ARHGAP27: variants seen among roughly 807,000 people sequenced by gnomAD.
ARHGAP27 encodes rho GTPase-activating protein 27.
ARHGAP27 carries 53 observed loss-of-function variants against 102.0 expected under a neutral mutation model. The observed-to-expected ratio is 0.52, with a 90% CI of 0.42 to 0.65. The LOEUF (loss-of-function observed/expected upper bound fraction) is 0.65, where lower values mean the gene tolerates loss of function less well. ARHGAP27 is among the 30% of genes least tolerant of loss of function. The pLI, the probability that ARHGAP27 is intolerant of heterozygous loss-of-function variation, is 0.00. For synonymous variants in ARHGAP27, 525 were observed against 542.8 expected, an observed-to-expected ratio of 0.97 and a Z score of 0.46; for missense variants, 1,117 against 1,256.2, an observed-to-expected ratio of 0.89 and a Z score of 1.68.
Position 45,430,108 on chromosome 17 carries a change from A to G in ARHGAP27, c.172T>C (p.Tyr58His), listed in dbSNP as rs1442090144. Reference protein sequence around the residue: ...VRREPGGRPFYLPAQYVRELP... With the variant: ...VRREPGGRPFHLPAQYVRELP... ...TCGCGCACGTACTGCGCAGGCAGGT[A>G]GAAGGGGCGGCCGCCGGGCTCACGC... The change falls in exon 4 of 20, where the codon TAC (tyrosine) becomes CAC (histidine). Residue 58 changes from tyrosine to histidine, a missense_variant. By Grantham distance (83) the Tyr-to-His change is moderately conservative. Around this residue, in one of 3 missense-constraint regions of ARHGAP27, gnomAD observed 610 missense variants for 716.4 expected, o/e 0.85. Transcript: ENST00000685559. This position sits in a 1 kb window ranked among gnomAD's most constrained non-coding sequence, Gnocchi z 4.4. 2 of 1,515,772 alleles carry G rather than the reference A, an allele frequency of 1.3e-6. No individual in the cohort carries two copies. The highest frequency in any genetic ancestry group is 4.3e-5 in the Admixed American group (2 of 46,954). 93.9% of individuals were successfully genotyped at this position (1,515,772 alleles called of 1,614,324 possible).
chr17:45,396,567 G>A lies in ARHGAP27; in HGVS notation c.2093C>T (p.Ala698Val), dbSNP rs1229584608. 2.5e-6 allele frequency: 4 copies of A among 1,604,058 alleles called. No homozygotes were observed. Among genetic ancestry groups the A allele is most frequent in the South Asian group, 1.1e-5 (1 of 90,598 alleles). The change falls in exon 16 of 20, where the codon GCG (alanine) becomes GTG (valine). Residue 698 changes from alanine to valine, a missense_variant. Coordinates refer to ENST00000685559, the MANE Select transcript of ARHGAP27 (RefSeq NM_001282290.2). Reference protein sequence around the residue: ...GYIKDQVFGCALAALCERERS... With the variant: ...GYIKDQVFGCVLAALCERERS... ...CTCGCGCTCACACAGCGCGGCCAGC[G>A]CGCAGCCGAACACCTGGTCTAGGGC...
intron 11 of ARHGAP27, among the ~76,000 whole-genome samples, 164 bp from the exon 12 acceptor site, chr17:45,402,982 C>A (rs1195712348): frequency 1.1e-4 from 16 of 152,238 alleles, no homozygotes; most frequent in Admixed American, 8.5e-4. Context: ...TGCTTCTTAA[C>A]CATGGAGCCT....
intron 3 of ARHGAP27, among the ~76,000 whole-genome samples, chr17:45,431,253 G>A (rs1176430558): frequency 2.6e-5 from 4 of 152,226 alleles, no homozygotes; most frequent in Non-Finnish European, 4.4e-5. Context: ...TGTCAGGGAT[G>A]GGGGAGAGCC....
intron 4 of ARHGAP27, among the ~76,000 whole-genome samples, chr17:45,421,060 A>G (rs2048990115): frequency 6.9e-6 from 1 of 145,984 alleles, no homozygotes; most frequent in Non-Finnish European, 1.5e-5. Flanking sequence ...TGGAAGGTCA[A>G]GAAGAAACAT....
Position 45,402,824 on chromosome 17 carries a change from G to C in ARHGAP27, c.1639-6C>G. ...GAAAACTTGGAAGGCTGCCTCTGTG[G>C]GAGAGGGAGGAAGGTCACAGGGAGC... On this transcript the variant is annotated splice_region_variant and splice_polypyrimidine_tract_variant and intron_variant, in intron 11 of 19. Coordinates refer to ENST00000685559, the MANE Select transcript of ARHGAP27 (RefSeq NM_001282290.2). The C allele has an allele frequency of 6.2e-7, 1 of 1,608,378 alleles. No homozygotes were observed. Among genetic ancestry groups the C allele is most frequent in the Non-Finnish European group, 8.5e-7 (1 of 1,175,092 alleles).
chr17:45,422,816 A>G (rs145692483), intron 4 of ARHGAP27, among the ~76,000 whole-genome samples: 21 of 152,340 alleles, frequency 1.4e-4, no homozygotes, highest in East Asian at 5.8e-4. Flanking sequence ...AAAGGAAATG[A>G]AAGTTTGAAT....
At chr17:45,409,915 C>A in intron 4 of ARHGAP27, 2 of 355,968 alleles carry the variant, frequency 5.6e-6, no homozygotes, top group South Asian at 5.0e-5. Context: ...AGTGGCCTTC[C>A]GACCTCAGGC....
At chr17:45,431,179 G>T (rs1319279683) in intron 3 of ARHGAP27, among the ~76,000 whole-genome samples, 1 of 152,142 alleles carries the variant, frequency 6.6e-6, no homozygotes, top group Non-Finnish European at 1.5e-5. Flanking sequence ...GAGTCCCAGA[G>T]CAGGGCCACC....
rs1283068746 is a variant in ARHGAP27 at position 45,430,573 on chromosome 17, T to C, written c.-18-276A>G. Reference sequence around the variant, plus strand: ...AGTCCTGCGGTGGGGAGATTGTGGGTAGTCTTGGTCCAAATCGACTGCGAG... The same window carrying C: ...AGTCCTGCGGTGGGGAGATTGTGGGCAGTCTTGGTCCAAATCGACTGCGAG... On this transcript the variant is annotated intron_variant, in intron 3 of 19. Coordinates refer to ENST00000685559, the MANE Select transcript of ARHGAP27 (RefSeq NM_001282290.2). The surrounding 1 kb of genome is among the most constrained non-coding windows in gnomAD (Gnocchi z 4.4). 6.6e-6 allele frequency among the ~76,000 whole-genome samples: 1 copy of C among 152,160 alleles called. No individual in the cohort carries two copies.
At chr17:45,408,688 C>G (rs1346003888) in intron 4 of ARHGAP27, 1 of 152,366 alleles carries the variant, frequency 6.6e-6, no homozygotes. Context: ...CAGCCATTCC[C>G]TCAGCCTGGA....
intron 12 of ARHGAP27, among the ~76,000 whole-genome samples, chr17:45,401,040 TTCTTC>T (rs2046381910): frequency 6.6e-6 from 1 of 151,616 alleles, no homozygotes; most frequent in Admixed American, 6.6e-5. Flanking sequence ...GCCTTCAGAA[TTCTTC>T]TCAAGAAGGC....
chr17:45,410,479 A>C, intron 4 of ARHGAP27: 4 of 712,522 alleles, frequency 5.6e-6, no homozygotes, highest in Non-Finnish European at 7.9e-6. Flanking sequence ...GGTGGGGTGG[A>C]GGGGCCTCAG....
intron 13 of ARHGAP27, 134 bp from the exon 14 acceptor site, chr17:45,397,158 TAA>T: frequency 6.9e-7 from 1 of 1,458,444 alleles, no homozygotes; most frequent in Non-Finnish European, 9.0e-7. Flanking sequence ...TCTCTTCCCT[TAA>T]CCAGGTTAAC....
intron 4 of ARHGAP27, among the ~76,000 whole-genome samples, chr17:45,417,200 A>C (rs1376789846): frequency 6.6e-6 from 1 of 151,604 alleles, no homozygotes; most frequent in Non-Finnish European, 1.5e-5. Flanking sequence ...GTGGTGGCTT[A>C]TGCCTGTAAT....
rs1040924401 is a variant in ARHGAP27 at position 45,394,616 on chromosome 17, T to A, written c.*840A>T. The stretch of plus-strand genomic sequence containing the variant: ...TGGGTGGTAGCTGAAAGAACTGATT[T>A]TCCCCCTACCCAGGCTGTACTCTGG... On this transcript the variant is annotated 3_prime_UTR_variant, in exon 20 of 20. Transcript: ENST00000685559. The A allele has an allele frequency of 6.6e-6, 1 of 152,330 alleles. No individual in the cohort carries two copies. Among genetic ancestry groups the A allele is most frequent in the African/African-American group, 2.4e-5 (1 of 41,476 alleles). The allele number at this position is 152,330 out of a possible 1,614,324, so 9.4% of individuals were successfully genotyped here. A position where few individuals can be genotyped will look rare whatever the true frequency, so the allele number is the denominator to read the frequency against.
At chr17:45,397,830 T>C (rs1044587383) in intron 13 of ARHGAP27, 119 bp downstream of exon 13, 1 of 807,292 alleles carries the variant, frequency 1.2e-6, no homozygotes, top group African/African-American at 1.7e-5. Flanking sequence ...TAGCCATTAG[T>C]GGGGACTGCA....
chr17:45,402,615 G>A, intron 12 of ARHGAP27, 99 bp downstream of exon 12: 2 of 1,135,398 alleles, frequency 1.8e-6, no homozygotes, highest in Admixed American at 2.0e-5. Flanking sequence ...GGGAATTAAG[G>A]GTCAAAAACC....
intron 13 of ARHGAP27, 50 bp from the exon 14 acceptor site, chr17:45,397,074 C>G (rs1230095): frequency 0.31 from 495,332 of 1,591,996 alleles, 79,646 homozygotes; most frequent in East Asian, 0.52. Context: ...AGCTGCGGGT[C>G]CTTCCAGGAT....
intron 4 of ARHGAP27, 72 bp from the exon 5 acceptor site, chr17:45,406,155 G>T: frequency 7.1e-7 from 1 of 1,407,494 alleles, no homozygotes; most frequent in Non-Finnish European, 9.3e-7. Flanking sequence ...TCCCCTCTGG[G>T]CAGTGCGATT....
Sources: allele counts gnomAD v4.1 joint callset (sites outside exome capture counted in the v4.1 genomes callset), GRCh38; gene constraint gnomAD v4.1.1; regional missense constraint gnomAD v4.1.1; non-coding constraint Gnocchi (gnomAD v3.1); transcripts MANE v1.5; gene names NCBI Gene and HGNC (gene_info 2026-07-23, HGNC 2026-07-21).